CNTNAP5: variants seen among roughly 807,000 people sequenced by gnomAD.
CNTNAP5 encodes the protein contactin-associated protein-like 5.
Under a neutral mutation model 150.2 loss-of-function variants are expected in CNTNAP5, and 72 were observed. The observed-to-expected ratio is 0.48, with a 90% CI of 0.40 to 0.58. The LOEUF is 0.58. Among genes scored for constraint, CNTNAP5 ranks in the 20% least tolerant of loss-of-function variants. The pLI, the probability that CNTNAP5 is intolerant of heterozygous loss-of-function variation, is 0.00. For synonymous variants in CNTNAP5, 672 were observed against 619.8 expected (o/e 1.08, Z -1.25); for missense variants, 1,636 against 1,626.2 (o/e 1.01, Z -0.10).
intron 1 of CNTNAP5, among the ~76,000 whole-genome samples, chr2:124,137,612 A>C (rs979805058): frequency 3.3e-5 from 5 of 152,220 alleles, no homozygotes; most frequent in Admixed American, 2.6e-4. Context: ...GGGGAATAAA[A>C]ATTGAAATTA....
chr2:124,247,112 T>C (rs779985), intron 3 of CNTNAP5, among the ~76,000 whole-genome samples: 52,410 of 151,946 alleles, frequency 0.34, 9,288 homozygotes, highest in Admixed American at 0.42. Context: ...GACTTCCAAA[T>C]TCTCTGGGAG....
At chr2:124,508,637 A>G (rs566641237) in intron 8 of CNTNAP5, among the ~76,000 whole-genome samples, 9 of 152,250 alleles carry the variant, frequency 5.9e-5, no homozygotes, top group Non-Finnish European at 8.8e-5. Context: ...ACAAATCATC[A>G]GTTATTTCAG....
intron 16 of CNTNAP5, among the ~76,000 whole-genome samples, chr2:124,765,608 T>C (rs1681051860): frequency 6.6e-6 from 1 of 152,162 alleles, no homozygotes; most frequent in Non-Finnish European, 1.5e-5. Context: ...ATATACATTG[T>C]TAAAAATTAA....
At chr2:124,862,539 C>A (rs574288934) in intron 19 of CNTNAP5, among the ~76,000 whole-genome samples, 4 of 152,086 alleles carry the variant, frequency 2.6e-5, no homozygotes, top group African/African-American at 9.7e-5. Context: ...CTGAGGATAG[C>A]GGGAATAACT....
At chr2:124,813,893 G>T (rs975794814) in intron 19 of CNTNAP5, among the ~76,000 whole-genome samples, 16 of 151,474 alleles carry the variant, frequency 1.1e-4, no homozygotes, top group African/African-American at 3.9e-4. Context: ...CTTTGTTCTG[G>T]CCACCCTAAT....
At chr2:124,255,047 T>G (rs1437379985) in intron 3 of CNTNAP5, among the ~76,000 whole-genome samples, 1 of 152,100 alleles carries the variant, frequency 6.6e-6, no homozygotes, top group African/African-American at 2.4e-5. Flanking sequence ...AGAATGCAGG[T>G]TAGCAAGGAG....
At chr2:124,317,925 C>T (rs753851126) in intron 3 of CNTNAP5, among the ~76,000 whole-genome samples, 1 of 152,158 alleles carries the variant, frequency 6.6e-6, no homozygotes, top group Non-Finnish European at 1.5e-5. Flanking sequence ...TAAGCAGAGA[C>T]AGCACACACT....
chr2:124,367,999 A>C (rs1022016999), intron 3 of CNTNAP5, among the ~76,000 whole-genome samples: 2 of 152,178 alleles, frequency 1.3e-5, no homozygotes, highest in African/African-American at 4.8e-5. Flanking sequence ...TGGACATCGC[A>C]TGCCTTTCAA....
At chr2:124,675,270 T>C (rs1339889546) in intron 13 of CNTNAP5, among the ~76,000 whole-genome samples, 2 of 152,170 alleles carry the variant, frequency 1.3e-5, no homozygotes, top group African/African-American at 4.8e-5. Flanking sequence ...GCTAAAATAA[T>C]GTTAGCTCTC....
intron 12 of CNTNAP5, among the ~76,000 whole-genome samples, chr2:124,612,922 G>T (rs751155097): frequency 3.9e-5 from 6 of 152,044 alleles, no homozygotes; most frequent in Non-Finnish European, 5.9e-5. Context: ...GTATTGTGGT[G>T]CATGCATGTA....
At chr2:124,815,012 G>A (rs951296968) in intron 19 of CNTNAP5, among the ~76,000 whole-genome samples, 3 of 152,156 alleles carry the variant, frequency 2.0e-5, no homozygotes, top group Non-Finnish European at 4.4e-5. Context: ...TGAGATTAGA[G>A]ATGAAGTGCC....
intron 20 of CNTNAP5, among the ~76,000 whole-genome samples, chr2:124,868,136 C>G (rs1342325138): frequency 6.6e-6 from 1 of 152,148 alleles, no homozygotes; most frequent in East Asian, 1.9e-4. Flanking sequence ...TCTCCCTGCT[C>G]CTCTTTAGGT....
intron 14 of CNTNAP5, among the ~76,000 whole-genome samples, chr2:124,753,163 T>C (rs1396390704): frequency 1.3e-5 from 2 of 152,202 alleles, no homozygotes; most frequent in East Asian, 1.9e-4. Flanking sequence ...GAGAAAATGA[T>C]GTAAGGTGTA....
chr2:124,181,029 C>T (rs1421273582), intron 1 of CNTNAP5, among the ~76,000 whole-genome samples: 1 of 151,158 alleles, frequency 6.6e-6, no homozygotes, highest in Non-Finnish European at 1.5e-5. Flanking sequence ...TTGAGAAAAG[C>T]CAGAATTTAA....
intron 7 of CNTNAP5, among the ~76,000 whole-genome samples, chr2:124,494,331 C>T (rs958022604): frequency 2.6e-5 from 4 of 152,078 alleles, no homozygotes; most frequent in Non-Finnish European, 5.9e-5. Context: ...AGGCCAAAGG[C>T]TGAGGCGCCT....
intron 3 of CNTNAP5, among the ~76,000 whole-genome samples, chr2:124,331,354 A>G (rs1459549895): frequency 1.3e-5 from 2 of 152,106 alleles, no homozygotes; most frequent in African/African-American, 4.8e-5. Flanking sequence ...GACATATCAG[A>G]TATTTAGGAA....
At position 124,155,974 on chromosome 2, in the gene CNTNAP5, T is replaced by A. The variant is rs573248204; in HGVS notation, c.83-65731T>A. Reference sequence around the variant, plus strand: ...AGCCTTTGCTCCACTGGAGATAATGTGCGTGGCCAGCCACCCTCACCTCGT... The same window carrying A: ...AGCCTTTGCTCCACTGGAGATAATGAGCGTGGCCAGCCACCCTCACCTCGT... On this transcript the variant is annotated intron_variant, in intron 1 of 23. Coordinates refer to ENST00000682447, the MANE Select transcript of CNTNAP5 (RefSeq NM_001367498.1). Among the ~76,000 whole-genome samples, 136 of 152,188 alleles carry A rather than the reference T, an allele frequency of 8.9e-4. 1 individual carries two copies. The highest frequency in any genetic ancestry group is 1.7e-3 in the Non-Finnish European group (113 of 68,028).
intron 1 of CNTNAP5, among the ~76,000 whole-genome samples, chr2:124,111,907 G>A (rs541128745): frequency 2.0e-5 from 3 of 152,212 alleles, no homozygotes; most frequent in Admixed American, 6.5e-5. Context: ...ACACTGCTAC[G>A]GTACTGGTCC....
intron 11 of CNTNAP5, among the ~76,000 whole-genome samples, chr2:124,567,423 G>C (rs914422898): frequency 6.6e-6 from 1 of 152,172 alleles, no homozygotes; most frequent in African/African-American, 2.4e-5. Flanking sequence ...TGATGAATGT[G>C]TGGGCAATTT....
Sources: allele counts gnomAD v4.1 joint callset (sites outside exome capture counted in the v4.1 genomes callset), GRCh38; gene constraint gnomAD v4.1.1; transcripts MANE v1.5; gene names NCBI Gene and HGNC (gene_info 2026-07-23, HGNC 2026-07-21).